Variants in CDH13 observed in about 807,000 individuals in gnomAD.
CDH13 encodes cadherin-13.
Under a neutral mutation model 63.8 loss-of-function variants are expected in CDH13, and 24 were observed. That is an observed-to-expected ratio of 0.38 (90% CI 0.27 to 0.53). CDH13 has a LOEUF of 0.53. CDH13 is among the 20% of genes least tolerant of loss of function. The pLI is 0.85. For synonymous variants in CDH13, 503 were observed against 355.3 expected (o/e 1.42, Z -4.67); for missense variants, 1,049 against 903.1 (o/e 1.16, Z -2.07).
chr16:83,452,557 G>A lies in CDH13; in HGVS notation c.782-33920G>A, dbSNP rs561691225. 2.0e-5 allele frequency among the ~76,000 whole-genome samples: 3 copies of A among 152,172 alleles called. No individual in the cohort carries two copies. In the South Asian group the frequency reaches 6.2e-4, roughly 32 times the overall value. Reference sequence around the variant, plus strand: ...GTGTTTGGTTGATGTTTTCGTTGTTGTTTTGCTTGGGGATGGTACTTGTTT... The same window carrying A: ...GTGTTTGGTTGATGTTTTCGTTGTTATTTTGCTTGGGGATGGTACTTGTTT... On this transcript the variant is annotated intron_variant, in intron 6 of 13. Transcript: ENST00000567109.
chr16:83,034,809 C>T lies in CDH13; in HGVS notation c.366+2591C>T, dbSNP rs148413462. Among the ~76,000 whole-genome samples, 247 of 152,264 alleles carry T rather than the reference C, an allele frequency of 1.6e-3. 4 individuals are homozygous for T. Among genetic ancestry groups the T allele is most frequent in the Non-Finnish European group, 1.0e-3 (69 of 68,024 alleles). On this transcript the variant is annotated intron_variant, in intron 3 of 13. Transcript: ENST00000567109. Reference sequence around the variant, plus strand: ...TGGGTTCATTATGAAAACTCAGCCACGCATTGTTTGTACCTCAAGTTTCTG... The same window carrying T: ...TGGGTTCATTATGAAAACTCAGCCATGCATTGTTTGTACCTCAAGTTTCTG...
intron 1 of CDH13, among the ~76,000 whole-genome samples, chr16:82,843,228 A>G (rs1269218681): frequency 1.3e-5 from 2 of 152,208 alleles, no homozygotes; most frequent in African/African-American, 2.4e-5. Flanking sequence ...TATATTGACA[A>G]TTAGTGTATA....
At chr16:83,717,253 C>T (rs983117746) in intron 10 of CDH13, among the ~76,000 whole-genome samples, 3 of 151,872 alleles carry the variant, frequency 2.0e-5, no homozygotes, top group Admixed American at 1.3e-4. Context: ...GAGCGAGATA[C>T]TATCTCCAAA....
At chr16:82,934,005 G>A (rs996512748) in intron 2 of CDH13, among the ~76,000 whole-genome samples, 1 of 152,184 alleles carries the variant, frequency 6.6e-6, no homozygotes, top group Non-Finnish European at 1.5e-5. Flanking sequence ...GCTGTCCATG[G>A]ATCTACCATC....
rs537855536 is a variant in CDH13, at chr16:83,580,643, C to T, written c.961-21811C>T. ...CCAAGTAGCTGAGACTACAGGCATG[C>T]GCTACCATGCCCTGGCTTATTTTTA... On this transcript the variant is annotated intron_variant, in intron 7 of 13. Coordinates refer to ENST00000567109, the MANE Select transcript of CDH13 (RefSeq NM_001257.5). Among the ~76,000 whole-genome samples the T allele has an allele frequency of 1.4e-4, 21 of 152,098 alleles. No individual in the cohort carries two copies. The East Asian group carries it at 2.3e-3, about 17-fold the overall frequency.
intron 8 of CDH13, among the ~76,000 whole-genome samples, chr16:83,613,832 CA>C (rs201854445): frequency 2.8e-5 from 4 of 141,188 alleles, no homozygotes; most frequent in Non-Finnish European, 3.0e-5. Context: ...GAGTCTGCCT[CA>C]AAAAAAATTT....
At chr16:83,744,054 C>G (rs529832257) in intron 10 of CDH13, among the ~76,000 whole-genome samples, 3 of 152,044 alleles carry the variant, frequency 2.0e-5, no homozygotes, top group African/African-American at 7.2e-5. Flanking sequence ...AGGATGATAC[C>G]CACTTCATCA....
At chr16:83,473,101 T>G (rs2073502655) in intron 6 of CDH13, among the ~76,000 whole-genome samples, 1 of 152,208 alleles carries the variant, frequency 6.6e-6, no homozygotes. Context: ...GCATTTAATT[T>G]CAGTTTTGTG....
At chr16:83,298,047 CAAAAAAAA>C (rs71382871) in intron 5 of CDH13, among the ~76,000 whole-genome samples, 51 of 99,784 alleles carry the variant, frequency 5.1e-4, no homozygotes, top group Admixed American at 4.8e-3. Flanking sequence ...CTTGTTTCTA[CAAAAAAAA>C]AAAAAAAAGA....
intron 1 of CDH13, among the ~76,000 whole-genome samples, chr16:82,671,102 G>C (rs1344906265): frequency 6.6e-6 from 1 of 151,486 alleles, no homozygotes; most frequent in African/African-American, 2.4e-5. Context: ...AAGTCATCAA[G>C]CCAGAGACTG....
intron 1 of CDH13, among the ~76,000 whole-genome samples, chr16:82,808,084 T>C (rs1214500097): frequency 1.3e-5 from 2 of 152,156 alleles, no homozygotes; most frequent in Non-Finnish European, 2.9e-5. Context: ...AGGGTCTTAC[T>C]TGGGTCTCCA....
intron 5 of CDH13, among the ~76,000 whole-genome samples, chr16:83,222,475 T>C (rs2151794123): frequency 6.6e-6 from 1 of 152,314 alleles, no homozygotes; most frequent in Middle Eastern, 3.4e-3. Context: ...TTGGGAGATA[T>C]AGATGTACCC....
intron 7 of CDH13, among the ~76,000 whole-genome samples, chr16:83,584,592 A>G (rs1255324413): frequency 1.3e-5 from 2 of 152,188 alleles, no homozygotes; most frequent in Non-Finnish European, 2.9e-5. Flanking sequence ...AGGGAACAGC[A>G]TCTGTGAAGA....
chr16:83,052,139 C>G (rs745352384), intron 3 of CDH13, among the ~76,000 whole-genome samples: 1 of 151,992 alleles, frequency 6.6e-6, no homozygotes, highest in Admixed American at 6.5e-5. Context: ...CATGTCCATA[C>G]GACTTAATAT....
At chr16:83,649,152 A>G (rs1241643351) in intron 8 of CDH13, among the ~76,000 whole-genome samples, 2 of 152,216 alleles carry the variant, frequency 1.3e-5, no homozygotes, top group Non-Finnish European at 2.9e-5. Flanking sequence ...GTGAGGTTAA[A>G]GTGGCCACAG....
At chr16:82,777,186 C>G (rs770686126) in intron 1 of CDH13, among the ~76,000 whole-genome samples, 1 of 152,136 alleles carries the variant, frequency 6.6e-6, no homozygotes, top group South Asian at 2.1e-4. Flanking sequence ...CCAGAGTGGT[C>G]TCCAACTCCT....
At chr16:82,971,449 T>C (rs1689548741) in intron 2 of CDH13, among the ~76,000 whole-genome samples, 1 of 152,200 alleles carries the variant, frequency 6.6e-6, no homozygotes, top group South Asian at 2.1e-4. Context: ...CTGTGAGATG[T>C]GTATCATCAC....
chr16:82,879,938 ATATAT>A (rs1263005733), intron 2 of CDH13, among the ~76,000 whole-genome samples: 2 of 129,052 alleles, frequency 1.5e-5, no homozygotes, highest in African/African-American at 2.7e-5. Flanking sequence ...AATATATAAT[ATATAT>A]TATAACATCA....
chr16:83,024,903 A>G (rs11860936), intron 2 of CDH13, among the ~76,000 whole-genome samples: 23,715 of 152,218 alleles, frequency 0.16, 2,259 homozygotes, highest in East Asian at 0.28. Context: ...AAGGGATTCA[A>G]CAATGGGCAA....
Sources: gnomAD v4.1 joint callset for allele counts (sites outside exome capture counted in the v4.1 genomes callset) on GRCh38, gnomAD v4.1.1 for gene constraint, MANE v1.5 for transcripts, NCBI Gene and HGNC (gene_info 2026-07-23, HGNC 2026-07-21) for gene names.